Variants in RNF220 observed in about 807,000 individuals in gnomAD.
RNF220 encodes E3 ubiquitin-protein ligase RNF220.
In RNF220, 7 loss-of-function variants were observed where a neutral mutation model predicts 67.1. The ratio of observed to expected loss-of-function variants is 0.10; its 90% confidence interval spans 0.06 to 0.20. The LOEUF is 0.20. Among genes scored for constraint, RNF220 ranks in the 10% least tolerant of loss-of-function variants. The pLI, the probability that RNF220 is intolerant of heterozygous loss-of-function variation, is 1.00. For synonymous variants in RNF220, 270 were observed against 283.2 expected, an observed-to-expected ratio of 0.95 and a Z score of 0.47; for missense variants, 565 against 740.3, an observed-to-expected ratio of 0.76 and a Z score of 2.75.
At chr1:44,487,023 T>G (rs1488370088) in intron 2 of RNF220, among the ~76,000 whole-genome samples, 2 of 152,148 alleles carry the variant, frequency 1.3e-5, no homozygotes, top group East Asian at 3.8e-4. Context: ...GGTTGTGTGT[T>G]AGAATTAGAA....
intron 2 of RNF220, among the ~76,000 whole-genome samples, chr1:44,555,929 C>T (rs12568345): frequency 0.052 from 7,814 of 150,664 alleles, 707 homozygotes; most frequent in East Asian, 0.15. Context: ...TCCTTGATGT[C>T]GTTAATTGTC....
chr1:44,505,978 C>G (rs1658380873), intron 2 of RNF220, among the ~76,000 whole-genome samples: 1 of 152,052 alleles, frequency 6.6e-6, no homozygotes, highest in Non-Finnish European at 1.5e-5. Flanking sequence ...AGAAGGTAGC[C>G]CATCATACCC....
intron 2 of RNF220, among the ~76,000 whole-genome samples, chr1:44,508,269 G>A (rs1018566607): frequency 7.2e-5 from 11 of 152,048 alleles, no homozygotes; most frequent in Non-Finnish European, 1.2e-4. Flanking sequence ...TGGTGTCCTT[G>A]GCCCCTGAGG....
intron 5 of RNF220, among the ~76,000 whole-genome samples, chr1:44,630,870 A>G (rs902213749): frequency 6.6e-6 from 1 of 152,264 alleles, no homozygotes; most frequent in African/African-American, 2.4e-5. Flanking sequence ...GGGAAGGCCT[A>G]TATGCCTTGA....
In RNF220 at chr1:44,565,995, G is replaced by A. The variant is rs1054044793; in HGVS notation, c.626-48170G>A. ...GGCTTCGGCTGCCTTTAAATAGTCCGATCTATCAGAGGGGCACACGCTGCC... is the reference window on the plus strand; with the variant it reads ...GGCTTCGGCTGCCTTTAAATAGTCCAATCTATCAGAGGGGCACACGCTGCC... On this transcript the variant is annotated intron_variant, in intron 2 of 14. Transcript: ENST00000361799. This position sits in a 1 kb window ranked among gnomAD's most constrained non-coding sequence, Gnocchi z 4.2. 6.6e-6 allele frequency among the ~76,000 whole-genome samples: 1 copy of A among 152,108 alleles called. No homozygotes were observed. Among genetic ancestry groups the A allele is most frequent in the Admixed American group, 6.5e-5 (1 of 15,272 alleles).
intron 2 of RNF220, among the ~76,000 whole-genome samples, chr1:44,510,247 GGAAA>G (rs1233035123): frequency 6.9e-6 from 1 of 145,712 alleles, no homozygotes; most frequent in Non-Finnish European, 1.5e-5. Flanking sequence ...AAAAAAAAAA[GGAAA>G]GAGAGAGAGA....
At chr1:44,616,582 C>T (rs1218802394) in intron 3 of RNF220, among the ~76,000 whole-genome samples, 1 of 152,084 alleles carries the variant, frequency 6.6e-6, no homozygotes, top group Non-Finnish European at 1.5e-5. Context: ...CTCTTAATCA[C>T]TCCCCATCCC....
intron 2 of RNF220, among the ~76,000 whole-genome samples, chr1:44,469,499 C>T (rs1486100626): frequency 6.6e-6 from 1 of 152,196 alleles, no homozygotes; most frequent in African/African-American, 2.4e-5. Flanking sequence ...TAATACATTT[C>T]CTCTTGGGAC....
intron 8 of RNF220, among the ~76,000 whole-genome samples, chr1:44,640,622 C>CT (rs916212177): frequency 2.6e-5 from 4 of 152,206 alleles, no homozygotes; most frequent in African/African-American, 9.7e-5. Context: ...CGGAAAGTGG[C>CT]TAAGTGCGTT....
intron 2 of RNF220, among the ~76,000 whole-genome samples, chr1:44,467,407 C>T (rs1383972570): frequency 5.9e-5 from 9 of 152,356 alleles, no homozygotes; most frequent in African/African-American, 1.7e-4. Flanking sequence ...GGCAGGGTTT[C>T]TCCATGTTGG....
intron 2 of RNF220, among the ~76,000 whole-genome samples, chr1:44,442,556 C>T (rs1022686315): frequency 6.2e-5 from 9 of 146,064 alleles, no homozygotes; most frequent in Admixed American, 2.1e-4. Flanking sequence ...CTCCTGTTGC[C>T]GAGGCTGGAG....
intron 2 of RNF220, among the ~76,000 whole-genome samples, chr1:44,520,124 T>TGAGAGAGA (rs1408246901): frequency 2.8e-5 from 4 of 142,824 alleles, no homozygotes; most frequent in African/African-American, 1.1e-4. Flanking sequence ...TGTGTGTGTG[T>TGAGAGAGA]GTGTGAGAGA....
In RNF220 at chr1:44,539,437, A is replaced by G. The variant is rs564659246; in HGVS notation, c.626-74728A>G. Among the ~76,000 whole-genome samples the G allele has an allele frequency of 5.9e-5, 9 of 152,242 alleles. No homozygotes were observed. The South Asian group carries it at 6.2e-4, about 11-fold the overall frequency. The stretch of plus-strand genomic sequence containing the variant: ...GTTTTCATTCAAAATGTGAATAAAT[A>G]CCATTGAGCCACTCTACGTGCCATG... On this transcript the variant is annotated intron_variant, in intron 2 of 14. Coordinates refer to ENST00000361799, the MANE Select transcript of RNF220 (RefSeq NM_018150.4).
chr1:44,570,399 A>G (rs1257021183), intron 2 of RNF220, among the ~76,000 whole-genome samples: 1 of 152,162 alleles, frequency 6.6e-6, no homozygotes, highest in Non-Finnish European at 1.5e-5. Flanking sequence ...CTTCCCTACT[A>G]GAATGTAGCT....
chr1:44,480,647 A>G (rs1226081779), intron 2 of RNF220, among the ~76,000 whole-genome samples: 5 of 152,096 alleles, frequency 3.3e-5, no homozygotes, highest in Non-Finnish European at 5.9e-5. Flanking sequence ...CACGCCTGTA[A>G]TCCCAACACT....
chr1:44,523,297 G>GC (rs1015470892), intron 2 of RNF220, among the ~76,000 whole-genome samples: 1 of 152,160 alleles, frequency 6.6e-6, no homozygotes, highest in Non-Finnish European at 1.5e-5. Context: ...ATTCCAGGCT[G>GC]CCCCGGGGAA....
chr1:44,625,367 T>C lies in RNF220; in HGVS notation c.805-930T>C, dbSNP rs556225231. Among the ~76,000 whole-genome samples, 4 of 152,362 alleles carry C rather than the reference T, an allele frequency of 2.6e-5. No individual in the cohort carries two copies. In the South Asian group the frequency reaches 8.3e-4, roughly 32 times the overall value. On this transcript the variant is annotated intron_variant, in intron 4 of 14. Coordinates refer to ENST00000361799, the MANE Select transcript of RNF220 (RefSeq NM_018150.4). ...CTGTCCCTTCCCTTTCCAGGGCCCT[T>C]GCCTGAGGATGTGCAGCATGGCCAC...
At chr1:44,405,891 C>T (rs888071509) in intron 1 of RNF220, among the ~76,000 whole-genome samples, 2 of 152,192 alleles carry the variant, frequency 1.3e-5, no homozygotes, top group Non-Finnish European at 2.9e-5. Flanking sequence ...GGGAGCAGGA[C>T]TTCTTTTCTC....
intron 2 of RNF220, among the ~76,000 whole-genome samples, chr1:44,476,063 T>C (rs568216156): frequency 6.6e-6 from 1 of 151,144 alleles, no homozygotes; most frequent in Non-Finnish European, 1.5e-5. Flanking sequence ...CAGTATGATA[T>C]ACATGCTTAT....
Sources: allele counts gnomAD v4.1 joint callset (sites outside exome capture counted in the v4.1 genomes callset), GRCh38; gene constraint gnomAD v4.1.1; non-coding constraint Gnocchi (gnomAD v3.1); transcripts MANE v1.5; gene names NCBI Gene and HGNC (gene_info 2026-07-23, HGNC 2026-07-21).